CDH13: variants seen among roughly 807,000 people sequenced by gnomAD.
The protein encoded by CDH13 is cadherin 13, also known as cadherin-13.
A neutral mutation model predicts 63.8 loss-of-function variants in CDH13; 24 were observed. The observed-to-expected ratio is 0.38, with a 90% CI of 0.27 to 0.53. The LOEUF (loss-of-function observed/expected upper bound fraction) is 0.53, where lower values mean the gene tolerates loss of function less well. CDH13 is among the 20% of genes least tolerant of loss of function. The pLI, the probability that CDH13 is intolerant of heterozygous loss-of-function variation, is 0.85. For missense variants in CDH13, 1,049 were observed against 903.1 expected, an observed-to-expected ratio of 1.16 and a Z score of -2.07; for synonymous variants, 503 against 355.3, an observed-to-expected ratio of 1.42 and a Z score of -4.67.
chr16:82,693,680 C>G (rs1307474799), intron 1 of CDH13, among the ~76,000 whole-genome samples: 1 of 152,118 alleles, frequency 6.6e-6, no homozygotes, highest in African/African-American at 2.4e-5. Context: ...TGCTGTGCAC[C>G]CTGCCACATG....
intron 7 of CDH13, among the ~76,000 whole-genome samples, chr16:83,594,018 A>G (rs986002912): frequency 4.6e-5 from 7 of 152,194 alleles, no homozygotes; most frequent in South Asian, 2.1e-4. Context: ...TCTTAGCTAT[A>G]CTCTGTGCTT....
At chr16:82,932,719 T>G (rs948651703) in intron 2 of CDH13, among the ~76,000 whole-genome samples, 3 of 152,214 alleles carry the variant, frequency 2.0e-5, no homozygotes, top group Admixed American at 2.0e-4. Context: ...TTGAAACATT[T>G]GATATGCTGA....
intron 7 of CDH13, among the ~76,000 whole-genome samples, chr16:83,576,786 C>A (rs1037104336): frequency 1.3e-5 from 2 of 152,114 alleles, no homozygotes; most frequent in Non-Finnish European, 2.9e-5. Context: ...TTCATGTGTT[C>A]ATTGGCCATT....
chr16:83,594,975 G>T (rs12595914), intron 7 of CDH13, among the ~76,000 whole-genome samples: 68,052 of 152,040 alleles, frequency 0.45, 17,544 homozygotes, highest in East Asian at 0.65. Context: ...ATACCATCTT[G>T]CTTTTGTTTC....
chr16:82,746,524 C>A (rs187989481), intron 1 of CDH13, among the ~76,000 whole-genome samples: 1 of 151,942 alleles, frequency 6.6e-6, no homozygotes, highest in East Asian at 1.9e-4. Flanking sequence ...TTTTAAAAAT[C>A]GGGTTATTAC....
At chr16:83,266,325 G>A (rs933144917) in intron 5 of CDH13, among the ~76,000 whole-genome samples, 2 of 152,202 alleles carry the variant, frequency 1.3e-5, no homozygotes, top group Non-Finnish European at 2.9e-5. Context: ...GCACTGACAT[G>A]AGGCCAAGAC....
chr16:83,681,497 GGCCCACACGT>G (rs1915399848), intron 10 of CDH13, among the ~76,000 whole-genome samples: 1 of 151,980 alleles, frequency 6.6e-6, no homozygotes. Context: ...GAGCCACAGC[GGCCCACACGT>G]GACTCTTTCT....
At chr16:83,087,483 C>A (rs1040728279) in intron 3 of CDH13, among the ~76,000 whole-genome samples, 1 of 151,996 alleles carries the variant, frequency 6.6e-6, no homozygotes, top group Non-Finnish European at 1.5e-5. Flanking sequence ...GCCTACCCAA[C>A]ATGTCGAAAC....
chr16:83,363,464 A>T (rs569008984), intron 6 of CDH13, among the ~76,000 whole-genome samples: 1 of 152,310 alleles, frequency 6.6e-6, no homozygotes, highest in African/African-American at 2.4e-5. Context: ...CTCACACTGT[A>T]CCCAAAAGTT....
At position 83,513,679 on chromosome 16, in the gene CDH13, G is replaced by C. The variant is rs567899872; in HGVS notation, c.960+27024G>C. 5.5e-4 allele frequency among the ~76,000 whole-genome samples: 84 copies of C among 152,216 alleles called. No individual in the cohort carries two copies. The South Asian group carries it at 0.016, about 29-fold the overall frequency. ...CTTGAAAACTCATTCACTATCATGA[G>C]AACAGCATGAGGGTAACTGCCACCG... On this transcript the variant is annotated intron_variant, in intron 7 of 13. Coordinates refer to ENST00000567109, the MANE Select transcript of CDH13 (RefSeq NM_001257.5).
At chr16:83,264,173 C>T (rs901934159) in intron 5 of CDH13, among the ~76,000 whole-genome samples, 5 of 152,144 alleles carry the variant, frequency 3.3e-5, no homozygotes, top group African/African-American at 1.2e-4. Flanking sequence ...TGCTGCTGCC[C>T]AACCCTGAAT....
In CDH13 at chr16:83,627,590, ACCCAGGC is replaced by A. The variant is rs1295549571; in HGVS notation, c.1101+24997_1101+25003del. 3.3e-5 allele frequency among the ~76,000 whole-genome samples: 5 copies of A among 152,114 alleles called. No homozygotes were observed. In the South Asian group the frequency reaches 6.2e-4, roughly 19 times the overall value. ...TTTTTAGACAGGGTCTCACTCTGTC[ACCCAGGC>A]TGGAGTGCAGTGGTGCAATCTCAAC... On this transcript the variant is annotated intron_variant, in intron 8 of 13. Coordinates refer to ENST00000567109, the MANE Select transcript of CDH13 (RefSeq NM_001257.5).
chr16:83,411,530 A>T (rs2092125917), intron 6 of CDH13, among the ~76,000 whole-genome samples: 1 of 152,200 alleles, frequency 6.6e-6, no homozygotes. Context: ...AAATTCATTC[A>T]TTTAAATATT....
At chr16:82,920,595 T>C (rs2042123727) in intron 2 of CDH13, among the ~76,000 whole-genome samples, 1 of 152,202 alleles carries the variant, frequency 6.6e-6, no homozygotes, top group Admixed American at 6.5e-5. Flanking sequence ...AAAAGAATGC[T>C]GTCTGGTGAG....
At chr16:82,838,736 T>G (rs1161083915) in intron 1 of CDH13, among the ~76,000 whole-genome samples, 1 of 152,206 alleles carries the variant, frequency 6.6e-6, no homozygotes, top group African/African-American at 2.4e-5. Flanking sequence ...GCCTAGGTTG[T>G]CCCAGTACTT....
Position 83,285,295 on chromosome 16 carries a change from A to G in CDH13, c.637-59567A>G, listed in dbSNP as rs142019552. On this transcript the variant is annotated intron_variant, in intron 5 of 13. Transcript: ENST00000567109. ...TCCTGAAGAGACCTGGTCCTAGTCA[A>G]TTTCTCCTTGGTATTTTATTATTTT... is the stretch of plus-strand genomic sequence containing the variant. Among the ~76,000 whole-genome samples, 710 of 152,212 alleles carry G rather than the reference A, an allele frequency of 4.7e-3. 9 individuals are homozygous for G. The highest frequency in any genetic ancestry group is 0.015 in the African/African-American group (633 of 41,540).
At chr16:83,164,118 G>A (rs759342247) in intron 4 of CDH13, among the ~76,000 whole-genome samples, 7 of 152,006 alleles carry the variant, frequency 4.6e-5, no homozygotes, top group South Asian at 2.1e-4. Flanking sequence ...TCCAAAGCCC[G>A]TGTGCTTATC....
chr16:82,910,614 G>T (rs959058588), intron 2 of CDH13, among the ~76,000 whole-genome samples: 1 of 152,106 alleles, frequency 6.6e-6, no homozygotes, highest in African/African-American at 2.4e-5. Flanking sequence ...TGGAAAATTC[G>T]TTCTGTCCTA....
intron 1 of CDH13, among the ~76,000 whole-genome samples, chr16:82,698,781 A>G (rs1428948934): frequency 6.6e-6 from 1 of 152,228 alleles, no homozygotes; most frequent in Admixed American, 6.5e-5. Flanking sequence ...GAAGCCAAAG[A>G]AATAGCTAGT....
Sources: gnomAD v4.1 joint callset for allele counts (sites outside exome capture counted in the v4.1 genomes callset) on GRCh38, gnomAD v4.1.1 for gene constraint, MANE v1.5 for transcripts, NCBI Gene and HGNC (gene_info 2026-07-23, HGNC 2026-07-21) for gene names.